Variants in ABTB3 observed in about 807,000 individuals in gnomAD.
The protein encoded by ABTB3 is ankyrin repeat- and BTB/POZ domain-containing protein 3.
At chr12:107,546,531 T>A in the ABTB3 span, among the ~76,000 whole-genome samples, 1 of 152,236 alleles carries the variant, frequency 6.6e-6, no homozygotes, top group Admixed American at 6.5e-5. Flanking sequence ...TGCCACTGCA[T>A]GGCTCAGGAC....
the ABTB3 span, among the ~76,000 whole-genome samples, chr12:107,500,635 G>C: frequency 2.0e-5 from 3 of 152,116 alleles, no homozygotes; most frequent in Non-Finnish European, 2.9e-5. Context: ...CCCTGCTCAG[G>C]CCACGACTGT....
chr12:107,356,913 C>T, the ABTB3 span, among the ~76,000 whole-genome samples: 1 of 152,208 alleles, frequency 6.6e-6, no homozygotes. Flanking sequence ...AGAATCAGAC[C>T]ATCTGGGCAT....
At chr12:107,363,112 C>T in the ABTB3 span, among the ~76,000 whole-genome samples, 1 of 152,252 alleles carries the variant, frequency 6.6e-6, no homozygotes, top group African/African-American at 2.4e-5. Flanking sequence ...AAAGGCCAGA[C>T]TTCCAGCTTG....
chr12:107,365,362 C>T, the ABTB3 span, among the ~76,000 whole-genome samples: 1 of 152,138 alleles, frequency 6.6e-6, no homozygotes, highest in African/African-American at 2.4e-5. Flanking sequence ...AGTTATTGTT[C>T]AGAGTTTTGG....
chr12:107,430,713 C>G, the ABTB3 span, among the ~76,000 whole-genome samples: 1 of 152,128 alleles, frequency 6.6e-6, no homozygotes, highest in African/African-American at 2.4e-5. Context: ...TAGTGTTTCA[C>G]CAGTAAGTAT....
the ABTB3 span, among the ~76,000 whole-genome samples, chr12:107,388,247 C>T: frequency 2.0e-5 from 3 of 152,232 alleles, no homozygotes; most frequent in East Asian, 5.8e-4. Context: ...GCTGGGATTA[C>T]AGGCATGAGC....
chr12:107,370,040 G>A, the ABTB3 span, among the ~76,000 whole-genome samples: 1 of 152,174 alleles, frequency 6.6e-6, no homozygotes, highest in South Asian at 2.1e-4. Context: ...TAGGAATTCT[G>A]TAAGAGTTAA....
chr12:107,589,700 TAGAAG>T, the ABTB3 span, among the ~76,000 whole-genome samples: 1 of 152,220 alleles, frequency 6.6e-6, no homozygotes, highest in African/African-American at 2.4e-5. Context: ...TGGACTATTA[TAGAAG>T]AAAGGTTCAC....
At chr12:107,541,739 C>T in the ABTB3 span, among the ~76,000 whole-genome samples, 1 of 152,080 alleles carries the variant, frequency 6.6e-6, no homozygotes, top group Non-Finnish European at 1.5e-5. Context: ...CATAAGGGAA[C>T]AATAGACACT....
the ABTB3 span, among the ~76,000 whole-genome samples, chr12:107,604,905 G>A: frequency 6.6e-6 from 1 of 152,198 alleles, no homozygotes; most frequent in East Asian, 1.9e-4. Context: ...TGTGGTATAT[G>A]TACACAGTGG....
the ABTB3 span, among the ~76,000 whole-genome samples, chr12:107,359,131 A>T: frequency 4.6e-3 from 699 of 152,334 alleles, 2 homozygotes; most frequent in African/African-American, 0.011. Flanking sequence ...TGACATTCAT[A>T]CTAATAAAAA....
chr12:107,322,107 A>T, the ABTB3 span, among the ~76,000 whole-genome samples: 1 of 152,142 alleles, frequency 6.6e-6, no homozygotes, highest in Non-Finnish European at 1.5e-5. Flanking sequence ...ATATTTTTTC[A>T]AATAGGTTTT....
the ABTB3 span, among the ~76,000 whole-genome samples, chr12:107,626,162 C>A: frequency 6.6e-6 from 1 of 152,102 alleles, no homozygotes; most frequent in Non-Finnish European, 1.5e-5. Flanking sequence ...CTCCCTAGGT[C>A]GTCTGCCGCC....
At chr12:107,421,430 G>A in the ABTB3 span, among the ~76,000 whole-genome samples, 1 of 152,172 alleles carries the variant, frequency 6.6e-6, no homozygotes, top group African/African-American at 2.4e-5. Flanking sequence ...CCAGAAGGGA[G>A]CACCCGCTCT....
chr12:107,471,291 C>G, the ABTB3 span, among the ~76,000 whole-genome samples: 1 of 152,192 alleles, frequency 6.6e-6, no homozygotes, highest in Non-Finnish European at 1.5e-5. Context: ...CAAGGCCACA[C>G]AACCAGCAAG....
the ABTB3 span, among the ~76,000 whole-genome samples, chr12:107,514,948 A>T: frequency 6.6e-6 from 1 of 152,240 alleles, no homozygotes; most frequent in African/African-American, 2.4e-5. Context: ...CCTCTCAGTT[A>T]ACATATGTTG....
the ABTB3 span, among the ~76,000 whole-genome samples, chr12:107,406,932 C>T: frequency 5.3e-5 from 8 of 152,142 alleles, no homozygotes; most frequent in Admixed American, 2.6e-4. Context: ...GCTTGGGCTC[C>T]GGAGCCAGAG....
At chr12:107,508,438 CTTTTTTTTTTTTTTTTT>C in the ABTB3 span, among the ~76,000 whole-genome samples, 6 of 69,152 alleles carry the variant, frequency 8.7e-5, no homozygotes, top group East Asian at 5.2e-4. Flanking sequence ...AAGATCATTT[CTTTTTTTTTTTTTTTTT>C]TTTTTTTTTT....
the ABTB3 span, among the ~76,000 whole-genome samples, chr12:107,634,583 C>T: frequency 3.3e-5 from 5 of 152,142 alleles, no homozygotes; most frequent in East Asian, 5.8e-4. Context: ...GTTTTTCCTC[C>T]GATACACCTG....
Sources: allele counts gnomAD v4.1 joint callset (sites outside exome capture counted in the v4.1 genomes callset), GRCh38; gene constraint gnomAD v4.1.1; transcripts MANE v1.5; gene names NCBI Gene and HGNC (gene_info 2026-07-23, HGNC 2026-07-21).